The following SOS1 variants were observed in gnomAD, a reference collection of about 807,000 sequenced individuals.
The protein encoded by SOS1 is son of sevenless homolog 1.
SOS1 carries 25 observed loss-of-function variants against 157.6 expected under a neutral mutation model. The ratio of observed to expected loss-of-function variants is 0.16; its 90% CI spans 0.12 to 0.22. The LOEUF (loss-of-function observed/expected upper bound fraction) is 0.22. Ranked by LOEUF, SOS1 falls within the 10% of genes least tolerant of loss-of-function variation. The pLI is 1.00. For missense variants in SOS1, 1,237 were observed against 1,599.1 expected (o/e 0.77, Z 3.86); for synonymous variants, 528 against 534.0 (o/e 0.99, Z 0.16).
intron 6 of SOS1, among the ~76,000 whole-genome samples, chr2:39,042,234 G>C (rs975350363): frequency 3.3e-5 from 5 of 151,948 alleles, no homozygotes; most frequent in African/African-American, 4.8e-5. Context: ...TGTTATTTTT[G>C]CTCCTCATTC....
At chr2:39,070,993 G>T (rs1671774511) in intron 1 of SOS1, among the ~76,000 whole-genome samples, 2 of 152,114 alleles carry the variant, frequency 1.3e-5, no homozygotes, top group Non-Finnish European at 2.9e-5. Flanking sequence ...CTCCCAAGTA[G>T]CTGGGATTAC....
At chr2:39,048,960 G>C (rs1670895844) in intron 6 of SOS1, among the ~76,000 whole-genome samples, 1 of 152,016 alleles carries the variant, frequency 6.6e-6, no homozygotes. Flanking sequence ...GTCTTGCTCT[G>C]TCACTGGACG....
Position 38,995,306 on chromosome 2 carries a change from G to T in SOS1, c.3163C>A (p.Pro1055Thr), listed in dbSNP as rs1246281893. The T allele has an allele frequency of 1.2e-6, 2 of 1,613,882 alleles. No individual in the cohort carries two copies. Among genetic ancestry groups the T allele is most frequent in the Non-Finnish European group, 1.7e-6 (2 of 1,179,800 alleles). The change falls in exon 20 of 23, where the codon CCT becomes ACT. Residue 1055 changes from proline to threonine, a missense_variant. Transcript: ENST00000402219. Reference sequence around the variant, plus strand: ...ATTTTCCTTGGCTCCTGCTGCAGAGGTGTGGGATGCCTCATGGTACCTGGT... The same window carrying T: ...ATTTTCCTTGGCTCCTGCTGCAGAGTTGTGGGATGCCTCATGGTACCTGGT... ...PRPGTMRHPT[P>T]LQQEPRKISY...
chr2:39,075,749 T>C (rs1671947990), intron 1 of SOS1, among the ~76,000 whole-genome samples: 2 of 151,966 alleles, frequency 1.3e-5, no homozygotes, highest in Admixed American at 1.3e-4. Context: ...AAGGCACAAA[T>C]ACTACTGTAT....
At chr2:39,123,090 A>G (rs1246438362), upstream of SOS1, among the ~76,000 whole-genome samples, 1 of 152,150 alleles carries the variant, frequency 6.6e-6, no homozygotes, top group Non-Finnish European at 1.5e-5. Context: ...CCTTCTGTCT[A>G]TTCCTAGAAA....
chr2:39,053,582 C>T (rs1014803531), intron 5 of SOS1, among the ~76,000 whole-genome samples: 1 of 152,014 alleles, frequency 6.6e-6, no homozygotes, highest in Non-Finnish European at 1.5e-5. Flanking sequence ...TTTTAATTTT[C>T]ACTCATCGCC....
intron 6 of SOS1, among the ~76,000 whole-genome samples, chr2:39,037,706 T>A (rs758208961): frequency 6.6e-6 from 1 of 152,156 alleles, no homozygotes; most frequent in Non-Finnish European, 1.5e-5. Flanking sequence ...GTGCTAATTT[T>A]GTCTCTGTGT....
intron 1 of SOS1, among the ~76,000 whole-genome samples, chr2:39,069,784 G>A (rs1478287101): frequency 6.6e-6 from 1 of 152,188 alleles, no homozygotes; most frequent in Non-Finnish European, 1.5e-5. Flanking sequence ...CCGACCTCAG[G>A]TGATCCACCC....
At chr2:39,076,350 A>G (rs772920877) in intron 1 of SOS1, among the ~76,000 whole-genome samples, 1 of 152,122 alleles carries the variant, frequency 6.6e-6, no homozygotes, top group Non-Finnish European at 1.5e-5. Context: ...CAGTAAGCCA[A>G]GATCAACCAC....
intron 19 of SOS1, among the ~76,000 whole-genome samples, chr2:38,995,890 T>C (rs1668875273): frequency 1.3e-5 from 2 of 152,228 alleles, no homozygotes; most frequent in African/African-American, 2.4e-5. Flanking sequence ...CCTTGCAAAA[T>C]GATCATTTCT....
At position 39,054,685 on chromosome 2, in the gene SOS1, T is replaced by G. The variant is rs1402313689; in HGVS notation, c.649A>C (p.Arg217=). 2 of 1,599,876 alleles carry G rather than the reference T, an allele frequency of 1.3e-6. No individual in the cohort carries two copies. The highest frequency in any genetic ancestry group is 1.7e-6 in the Non-Finnish European group (2 of 1,167,224). ...AFMAEIRQYI[R]ELNLIIKVFR... is the part of the protein sequence containing the mutation. ...ACTTTTATAATTAGATTTAGTTCCC[T>G]TATATATTGTCGAATTTCTGCCATA... Residue 217 remains arginine, a synonymous_variant, in exon 5 of 23, where the codon AGG becomes CGG. Transcript: ENST00000402219.
At chr2:39,056,620 T>C (rs1671223312) in intron 4 of SOS1, 82 bp downstream of exon 4, 2 of 888,990 alleles carry the variant, frequency 2.2e-6, no homozygotes, top group Non-Finnish European at 3.8e-6. Context: ...AATACAATTT[T>C]ATTCTATATG....
chr2:39,034,599 G>C (rs1278539865), intron 8 of SOS1, among the ~76,000 whole-genome samples: 1 of 151,914 alleles, frequency 6.6e-6, no homozygotes, highest in Non-Finnish European at 1.5e-5. Context: ...GTATATAACA[G>C]GAAAAGAAAA....
intron 20 of SOS1, among the ~76,000 whole-genome samples, chr2:38,991,032 T>G (rs182667022): frequency 6.6e-6 from 1 of 152,240 alleles, no homozygotes; most frequent in East Asian, 1.9e-4. Flanking sequence ...GGCTGTACAT[T>G]AGAATCCTAT....
rs1671227372 is a variant in SOS1 at position 39,056,738 on chromosome 2, T to C, written c.474A>G (p.Thr158=). The C allele has an allele frequency of 6.2e-7, 1 of 1,607,304 alleles. No homozygotes were observed. Among genetic ancestry groups the C allele is most frequent in the African/African-American group, 1.3e-5 (1 of 74,790 alleles). Residue 158 remains threonine (T), a synonymous_variant, in exon 4 of 23, where the codon ACA becomes ACG. Coordinates refer to ENST00000402219, the MANE Select transcript of SOS1 (RefSeq NM_005633.4). ...ACATTGCCACTTTAATATCTTGTTT[T>C]GTAATTTCATAATGCCGTATATTTC... ...YVRNIRHYEI[T]KQDIKVAMCA...
chr2:39,006,596 G>A (rs1031308458), intron 16 of SOS1, 67 bp from the exon 17 acceptor site: 14 of 824,282 alleles, frequency 1.7e-5, no homozygotes, highest in Middle Eastern at 4.8e-4. Flanking sequence ...AAAAATACTA[G>A]GCTAACAGAA....
chr2:39,025,056 A>G (rs1020923943), intron 8 of SOS1, among the ~76,000 whole-genome samples: 21 of 152,214 alleles, frequency 1.4e-4, no homozygotes, highest in Non-Finnish European at 3.1e-4. Context: ...ATGAGTCACA[A>G]TAATTCACTC....
intron 6 of SOS1, among the ~76,000 whole-genome samples, chr2:39,045,243 G>GGGGA: frequency 1.2e-5 from 1 of 83,316 alleles, no homozygotes; most frequent in East Asian, 3.3e-4. Context: ...AGAGAGAGAG[G>GGGGA]GAGAGAGAGA....
At chr2:39,025,292 A>G (rs1156643807) in intron 8 of SOS1, among the ~76,000 whole-genome samples, 1 of 152,186 alleles carries the variant, frequency 6.6e-6, no homozygotes, top group Non-Finnish European at 1.5e-5. Context: ...TCTACCATGA[A>G]TGAAAAGACT....
Sources: gnomAD v4.1 joint callset for allele counts (sites outside exome capture counted in the v4.1 genomes callset) on GRCh38, gnomAD v4.1.1 for gene constraint, MANE v1.5 for transcripts, NCBI Gene and HGNC (gene_info 2026-07-23, HGNC 2026-07-21) for gene names.